NREP: variants seen among roughly 807,000 people sequenced by gnomAD.
NREP encodes neuronal regeneration related protein.
In NREP, 5 loss-of-function variants were observed where a neutral mutation model predicts 8.6. That is an observed-to-expected ratio of 0.58 (90% CI 0.30 to 1.22). The LOEUF (loss-of-function observed/expected upper bound fraction) is 1.22, where lower values mean the gene tolerates loss of function less well. NREP is among the 50% of genes most tolerant of loss of function. NREP has a pLI of 0.07. For synonymous variants in NREP, 27 were observed against 28.0 expected (o/e 0.96, Z 0.11); for missense variants, 86 against 82.5 (o/e 1.04, Z -0.17).
At chr5:111,914,311 A>G (rs963300623) in intron 2 of NREP, among the ~76,000 whole-genome samples, 20 of 152,262 alleles carry the variant, frequency 1.3e-4, no homozygotes, top group African/African-American at 4.1e-4. Flanking sequence ...TAGAGAATCA[A>G]TGTACTTTGT....
At position 111,790,347 on chromosome 5, in the gene NREP, C is replaced by CTTTTTTTTTTTTTTTTTTTTTTTTTTTT. The variant is rs57775701; in HGVS notation, c.136-54868_136-54841dup. Among the ~76,000 whole-genome samples the CTTTTTTTTTTTTTTTTTTTTTTTTTTTT allele has an allele frequency of 6.7e-5, 4 of 59,594 alleles. 1 individual carries two copies. The highest frequency in any genetic ancestry group is 3.0e-4 in the Admixed American group (1 of 3,326). The allele number at this position is 59,594 out of a possible 152,430, so 39.1% of individuals were successfully genotyped here. A position where few individuals can be genotyped will look rare whatever the true frequency, so the allele number is the denominator to read the frequency against. On this transcript the variant is annotated intron_variant, in intron 2 of 3. Transcript: ENST00000395634. ...TCACCCTATACTTCAAAAACCTTAA[C>CTTTTTTTTTTTTTTTTTTTTTTTTTTTT]TTTTTTTTTTTTTTTTTTTTTTTTT...
intron 2 of NREP, among the ~76,000 whole-genome samples, chr5:111,961,572 T>C (rs1397837174): frequency 6.6e-6 from 1 of 152,364 alleles, no homozygotes; most frequent in African/African-American, 2.4e-5. Flanking sequence ...GGTTTTTATA[T>C]GGTATTTTAG....
upstream of NREP, among the ~76,000 whole-genome samples, chr5:111,760,145 G>A (rs866070711): frequency 6.6e-6 from 1 of 152,214 alleles, no homozygotes; most frequent in Non-Finnish European, 1.5e-5. Flanking sequence ...GGGTGAGGAT[G>A]GAGGGTGAGG....
At chr5:111,896,652 T>C (rs1192121166) in intron 2 of NREP, among the ~76,000 whole-genome samples, 2 of 152,206 alleles carry the variant, frequency 1.3e-5, no homozygotes, top group Non-Finnish European at 2.9e-5. Flanking sequence ...CCCTACCTCT[T>C]ATAACTTCTT....
At chr5:111,768,135 C>G (rs1022553948) in intron 2 of NREP, among the ~76,000 whole-genome samples, 6 of 150,538 alleles carry the variant, frequency 4.0e-5, no homozygotes, top group African/African-American at 1.5e-4. Context: ...GCATTAACAA[C>G]AGTTTAAAGC....
intron 2 of NREP, among the ~76,000 whole-genome samples, chr5:111,810,820 ATTGTGTGAGTCCTATAATTACT>A (rs1752252592): frequency 1.3e-5 from 2 of 152,206 alleles, no homozygotes; most frequent in Non-Finnish European, 2.9e-5. Flanking sequence ...TAGTTACTGA[ATTGTGTGAGTCCTATAATTACT>A]TTTCAACATT....
At chr5:111,871,730 G>A (rs988495033) in intron 2 of NREP, among the ~76,000 whole-genome samples, 13 of 151,406 alleles carry the variant, frequency 8.6e-5, no homozygotes, top group Non-Finnish European at 1.6e-4. Flanking sequence ...CCAGGCCTAC[G>A]GTTGGGATCA....
chr5:111,902,584 G>T (rs980943892), intron 2 of NREP, among the ~76,000 whole-genome samples: 2 of 152,162 alleles, frequency 1.3e-5, no homozygotes, highest in Non-Finnish European at 2.9e-5. Flanking sequence ...CAAGAGCAAA[G>T]GTCATGACAA....
intron 2 of NREP, among the ~76,000 whole-genome samples, chr5:111,767,922 C>T (rs976323681): frequency 1.3e-5 from 2 of 152,084 alleles, no homozygotes; most frequent in Non-Finnish European, 2.9e-5. Flanking sequence ...GCCTCGGCCT[C>T]CTAAAGTGCT....
chr5:111,912,659 G>A (rs1056785124), intron 2 of NREP: 9 of 152,044 alleles, frequency 5.9e-5, no homozygotes, highest in Non-Finnish European at 1.3e-4. Flanking sequence ...AATAACTGAA[G>A]ACAGGATCAA....
intron 3 of NREP, chr5:111,735,140 T>A: frequency 3.0e-6 from 1 of 333,494 alleles, no homozygotes; most frequent in Non-Finnish European, 5.5e-6. Context: ...TTTGAGTTTG[T>A]CTAACCAGAA....
intron 2 of NREP, among the ~76,000 whole-genome samples, chr5:111,828,764 TATCACTAA>T (rs1752691015): frequency 6.6e-6 from 1 of 152,208 alleles, no homozygotes; most frequent in Non-Finnish European, 1.5e-5. Flanking sequence ...CAATTTGTTG[TATCACTAA>T]GATATTATTA....
At chr5:111,956,898 A>G (rs1756336824) in intron 2 of NREP, among the ~76,000 whole-genome samples, 1 of 152,058 alleles carries the variant, frequency 6.6e-6, no homozygotes, top group Non-Finnish European at 1.5e-5. Context: ...TGGGAGATGG[A>G]GGTTGCAGTG....
At chr5:111,757,332 C>T (rs1391897317), upstream of NREP, 2 of 843,982 alleles carry the variant, frequency 2.4e-6, no homozygotes, top group African/African-American at 1.8e-5. Flanking sequence ...GCTTCACTTC[C>T]AAGAAGTGCA....
At chr5:111,895,812 G>A (rs1437185174) in intron 2 of NREP, among the ~76,000 whole-genome samples, 1 of 152,142 alleles carries the variant, frequency 6.6e-6, no homozygotes, top group Non-Finnish European at 1.5e-5. Context: ...TTTACTCTGG[G>A]ACATTTGAAA....
At chr5:111,820,423 A>G (rs1752490124) in intron 2 of NREP, among the ~76,000 whole-genome samples, 1 of 152,224 alleles carries the variant, frequency 6.6e-6, no homozygotes, top group South Asian at 2.1e-4. Context: ...ATTTACAAAT[A>G]TGAAATCCAC....
upstream of NREP, chr5:111,758,163 G>A (rs1384058585): frequency 8.1e-6 from 8 of 985,584 alleles, no homozygotes; most frequent in Non-Finnish European, 9.6e-6. Context: ...CCGCGGGGAA[G>A]CCCGGGGCGG....
intron 2 of NREP, among the ~76,000 whole-genome samples, chr5:111,811,807 A>G (rs1752275520): frequency 6.6e-6 from 1 of 152,206 alleles, no homozygotes; most frequent in African/African-American, 2.4e-5. Context: ...ACAGTGATAA[A>G]TAAGTGGAAA....
At chr5:111,784,498 T>G (rs187565106) in intron 2 of NREP, among the ~76,000 whole-genome samples, 28 of 152,342 alleles carry the variant, frequency 1.8e-4, no homozygotes, top group Admixed American at 1.6e-3. Context: ...ACACTTTCTT[T>G]GATTTGTTAT....
Sources: allele counts gnomAD v4.1 joint callset (sites outside exome capture counted in the v4.1 genomes callset), GRCh38; gene constraint gnomAD v4.1.1; transcripts MANE v1.5; gene names NCBI Gene and HGNC (gene_info 2026-07-23, HGNC 2026-07-21).